Variants in LTAP1 observed in about 807,000 individuals in gnomAD.
LTAP1 encodes lipid transport auxiliary protein 1.
the LTAP1 span, chr1:154,206,770 G>C: frequency 6.3e-6 from 1 of 158,350 alleles, no homozygotes; most frequent in Admixed American, 6.3e-5. Flanking sequence ...AGTCAGACCA[G>C]TGCATTGGGC....
the LTAP1 span, chr1:154,207,147 C>T: frequency 1.1e-5 from 3 of 271,142 alleles, no homozygotes; most frequent in Non-Finnish European, 2.1e-5. Flanking sequence ...TGAACTATGG[C>T]TGAAACCAAG....
At chr1:154,207,388 C>T in the LTAP1 span, 2 of 1,540,560 alleles carry the variant, frequency 1.3e-6, no homozygotes, top group Non-Finnish European at 1.8e-6. Flanking sequence ...GGCGGCCCGG[C>T]AAGCAGCCTG....
the LTAP1 span, among the ~76,000 whole-genome samples, chr1:154,208,725 A>C: frequency 6.6e-6 from 1 of 152,120 alleles, no homozygotes; most frequent in African/African-American, 2.4e-5. Flanking sequence ...AACCCAATGA[A>C]CATTCCTAGA....
chr1:154,207,806 T>C, the LTAP1 span, among the ~76,000 whole-genome samples: 1 of 152,044 alleles, frequency 6.6e-6, no homozygotes, highest in African/African-American at 2.4e-5. Context: ...TCTAGTAGCT[T>C]AGAAATACAA....
At chr1:154,215,942 A>G in the LTAP1 span, among the ~76,000 whole-genome samples, 2 of 150,204 alleles carry the variant, frequency 1.3e-5, no homozygotes, top group African/African-American at 4.9e-5. Flanking sequence ...GGTTCACGCC[A>G]TTCTCCTGCC....
the LTAP1 span, chr1:154,213,976 A>C: frequency 1.2e-6 from 2 of 1,602,286 alleles, no homozygotes; most frequent in Admixed American, 3.4e-5. Context: ...TGTTAGGCAT[A>C]ACCCTAAAAA....
At chr1:154,209,220 C>A in the LTAP1 span, among the ~76,000 whole-genome samples, 1 of 152,036 alleles carries the variant, frequency 6.6e-6, no homozygotes, top group African/African-American at 2.4e-5. Context: ...GAACAACTCC[C>A]TATTTCCCCC....
the LTAP1 span, among the ~76,000 whole-genome samples, chr1:154,216,196 CCTTAA>C: frequency 6.6e-6 from 1 of 152,068 alleles, no homozygotes; most frequent in Admixed American, 6.5e-5. Flanking sequence ...GCACCCCAAA[CCTTAA>C]CTTGTCAATA....
At chr1:154,214,950 T>C in the LTAP1 span, among the ~76,000 whole-genome samples, 3 of 151,916 alleles carry the variant, frequency 2.0e-5, no homozygotes, top group Non-Finnish European at 4.4e-5. Flanking sequence ...GTTCAAGCAA[T>C]TCTCCTGCCT....
At chr1:154,211,716 T>C in the LTAP1 span, 1 of 152,942 alleles carries the variant, frequency 6.5e-6, no homozygotes, top group Non-Finnish European at 1.5e-5. Context: ...TCCCTGTGTG[T>C]GCTGAAAAAC....
chr1:154,209,598 T>G, the LTAP1 span, among the ~76,000 whole-genome samples: 1 of 151,780 alleles, frequency 6.6e-6, no homozygotes, highest in Non-Finnish European at 1.5e-5. Flanking sequence ...CCAGCTAATT[T>G]TTTTTCGAGA....
the LTAP1 span, chr1:154,220,422 G>C: frequency 6.2e-7 from 1 of 1,614,176 alleles, no homozygotes; most frequent in African/African-American, 1.3e-5. Context: ...TCCCTACCTC[G>C]CGCAGAATTG....
the LTAP1 span, chr1:154,220,152 G>C: frequency 5.3e-6 from 4 of 761,452 alleles, no homozygotes; most frequent in African/African-American, 5.2e-5. Context: ...TTAAAGGGAG[G>C]GTTCTAGACT....
At chr1:154,213,811 T>C in the LTAP1 span, 4 of 1,143,170 alleles carry the variant, frequency 3.5e-6, no homozygotes, top group East Asian at 2.4e-5. Flanking sequence ...GGACAAATCC[T>C]AACATACAAA....
At chr1:154,213,968 T>G in the LTAP1 span, 1 of 1,608,664 alleles carries the variant, frequency 6.2e-7, no homozygotes, top group Non-Finnish European at 8.5e-7. Context: ...AAGACTGGTG[T>G]TAGGCATAAC....
chr1:154,219,850 G>A, the LTAP1 span: 2 of 1,608,594 alleles, frequency 1.2e-6, no homozygotes, highest in Non-Finnish European at 1.7e-6. Context: ...GGGGCATTGT[G>A]TCCCACAGGG....
At chr1:154,220,182 G>A in the LTAP1 span, 4 of 948,496 alleles carry the variant, frequency 4.2e-6, no homozygotes, top group East Asian at 2.4e-5. Flanking sequence ...GGGTCGGCCC[G>A]ACTAAGTGAC....
the LTAP1 span, chr1:154,207,643 T>C: frequency 5.6e-6 from 9 of 1,602,312 alleles, no homozygotes; most frequent in Non-Finnish European, 7.7e-6. Context: ...AATTCGTGCT[T>C]TAACCCTGAA....
the LTAP1 span, among the ~76,000 whole-genome samples, chr1:154,219,252 T>C: frequency 6.6e-6 from 1 of 152,074 alleles, no homozygotes; most frequent in South Asian, 2.1e-4. Context: ...CAGGAAAGAG[T>C]TCTAGGATAG....
Sources: gnomAD v4.1 joint callset for allele counts (sites outside exome capture counted in the v4.1 genomes callset) on GRCh38, gnomAD v4.1.1 for gene constraint, MANE v1.5 for transcripts, NCBI Gene and HGNC (gene_info 2026-07-23, HGNC 2026-07-21) for gene names.